CALN1: variants seen among roughly 807,000 people sequenced by gnomAD.
CALN1 encodes calneuron 1.
Under a neutral mutation model 30.6 loss-of-function variants are expected in CALN1, and 17 were observed. The observed-to-expected ratio is 0.56, with a 90% confidence interval of 0.38 to 0.83. The LOEUF is 0.83. Ranked by LOEUF, CALN1 falls within the 40% of genes least tolerant of loss-of-function variation. CALN1 has a pLI of 0.00. For missense variants in CALN1, 291 were observed against 354.9 expected (o/e 0.82, Z 1.45); for synonymous variants, 156 against 131.4 (o/e 1.19, Z -1.28).
intron 2 of CALN1, among the ~76,000 whole-genome samples, chr7:72,366,817 G>A (rs1490011194): frequency 8.2e-6 from 1 of 122,502 alleles, no homozygotes; most frequent in Non-Finnish European, 1.7e-5. Context: ...TCTTTCTCAG[G>A]GATATAACCA....
intron 3 of CALN1, among the ~76,000 whole-genome samples, chr7:72,217,814 T>C (rs1023234317): frequency 2.8e-5 from 4 of 144,522 alleles, no homozygotes; most frequent in African/African-American, 1.0e-4. Flanking sequence ...CCCCCAACTC[T>C]ACAAAAAAAT....
intron 1 of CALN1, among the ~76,000 whole-genome samples, chr7:72,407,089 C>T (rs184831328): frequency 2.6e-5 from 4 of 152,274 alleles, no homozygotes; most frequent in Admixed American, 2.0e-4. Context: ...TCACCTGCAT[C>T]ACTTTTACCA....
At chr7:71,873,080 T>G (rs1792037572) in intron 5 of CALN1, among the ~76,000 whole-genome samples, 1 of 149,394 alleles carries the variant, frequency 6.7e-6, no homozygotes, top group Non-Finnish European at 1.5e-5. Context: ...CTTGGCTCAT[T>G]GCAGCCTTTG....
intron 3 of CALN1, among the ~76,000 whole-genome samples, chr7:72,213,880 G>C (rs1017128060): frequency 6.6e-6 from 1 of 152,160 alleles, no homozygotes; most frequent in African/African-American, 2.4e-5. Context: ...TTGCATTTCA[G>C]GGGCAACCTT....
At chr7:72,411,535 G>C (rs572007432) in intron 1 of CALN1, among the ~76,000 whole-genome samples, 1 of 152,194 alleles carries the variant, frequency 6.6e-6, no homozygotes, top group Non-Finnish European at 1.5e-5. Context: ...TATCAGTTGT[G>C]TCACTGAAAA....
chr7:72,353,806 G>A (rs1425044374), intron 2 of CALN1, among the ~76,000 whole-genome samples: 2 of 152,138 alleles, frequency 1.3e-5, no homozygotes, highest in South Asian at 2.1e-4. Flanking sequence ...AAAAAATAAG[G>A]GTATTTGAAT....
chr7:72,501,924 A>ATATATATATATATATATATAT, the CALN1 span, among the ~76,000 whole-genome samples: 1 of 84,266 alleles, frequency 1.2e-5, no homozygotes, highest in African/African-American at 6.8e-5. Context: ...AAAAAAAAAA[A>ATATATATATATATATATATAT]AAAAATATAT....
chr7:72,320,538 T>G (rs570528612), intron 2 of CALN1, among the ~76,000 whole-genome samples: 1 of 152,130 alleles, frequency 6.6e-6, no homozygotes, highest in African/African-American at 2.4e-5. Context: ...GTTGAGCAAT[T>G]AGAATTACAG....
intron 5 of CALN1, among the ~76,000 whole-genome samples, chr7:72,003,069 T>C (rs1245837356): frequency 2.0e-5 from 3 of 152,188 alleles, no homozygotes; most frequent in African/African-American, 4.8e-5. Context: ...TGTGAAGTAA[T>C]TGATATGTTA....
chr7:72,474,050 A>T, the CALN1 span, among the ~76,000 whole-genome samples: 1 of 152,234 alleles, frequency 6.6e-6, no homozygotes, highest in African/African-American at 2.4e-5. Flanking sequence ...GTTGGATACG[A>T]AACTAGTTAG....
At chr7:71,816,519 G>A (rs930601755) in intron 5 of CALN1, among the ~76,000 whole-genome samples, 1 of 152,186 alleles carries the variant, frequency 6.6e-6, no homozygotes, top group Non-Finnish European at 1.5e-5. Flanking sequence ...CAGAAAATGA[G>A]TAACCATTTC....
At chr7:72,029,912 G>C (rs1015239219) in intron 4 of CALN1, among the ~76,000 whole-genome samples, 2 of 152,200 alleles carry the variant, frequency 1.3e-5, no homozygotes, top group African/African-American at 4.8e-5. Flanking sequence ...CTGATTTATG[G>C]TCAGAAGCAC....
intron 5 of CALN1, among the ~76,000 whole-genome samples, chr7:71,869,213 CTTT>C (rs1263130281): frequency 2.1e-5 from 3 of 144,580 alleles, no homozygotes; most frequent in Admixed American, 1.4e-4. Context: ...GGAAAAAACA[CTTT>C]TTTTTTTTTT....
At chr7:72,293,255 G>A (rs1422882813) in intron 2 of CALN1, among the ~76,000 whole-genome samples, 2 of 152,204 alleles carry the variant, frequency 1.3e-5, no homozygotes, top group East Asian at 1.9e-4. Flanking sequence ...TAGTCTGGAA[G>A]GACGTAGGGA....
intron 5 of CALN1, among the ~76,000 whole-genome samples, chr7:71,813,994 T>C (rs1788116464): frequency 6.8e-6 from 1 of 147,948 alleles, no homozygotes; most frequent in Non-Finnish European, 1.5e-5. Flanking sequence ...ATTAAGAGGA[T>C]AAGCTACACG....
intron 5 of CALN1, among the ~76,000 whole-genome samples, chr7:71,894,981 G>T (rs1432121429): frequency 1.3e-5 from 2 of 152,054 alleles, no homozygotes; most frequent in Non-Finnish European, 2.9e-5. Flanking sequence ...TGGAGACAGG[G>T]TCTTGCTCTG....
chr7:72,442,276 T>C (rs1219131750), intron 1 of CALN1, among the ~76,000 whole-genome samples: 1 of 152,194 alleles, frequency 6.6e-6, no homozygotes, highest in African/African-American at 2.4e-5. Flanking sequence ...GAGGATCATT[T>C]AAAAATGTTT....
At position 71,868,352 on chromosome 7, in the gene CALN1, G is replaced by A. The variant is rs185492213; in HGVS notation, c.502-57860C>T. On this transcript the variant is annotated intron_variant, in intron 5 of 6. Transcript: ENST00000395275. ...TCTCACATGGCAGGAACAGCGAGAG[G>A]GGAGGAAGTGCTACACACTTTTTTT... Among the ~76,000 whole-genome samples the A allele has an allele frequency of 4.6e-3, 700 of 151,660 alleles. 19 individuals carry two copies. The highest frequency in any genetic ancestry group is 0.031 in the Middle Eastern group (9 of 294).
At chr7:72,442,704 A>T (rs967761370) in intron 1 of CALN1, among the ~76,000 whole-genome samples, 3 of 152,126 alleles carry the variant, frequency 2.0e-5, no homozygotes, top group African/African-American at 7.2e-5. Flanking sequence ...GGTTGCACTT[A>T]TTTAGGATTG....
Sources: allele counts gnomAD v4.1 joint callset (sites outside exome capture counted in the v4.1 genomes callset), GRCh38; gene constraint gnomAD v4.1.1; transcripts MANE v1.5; gene names NCBI Gene and HGNC (gene_info 2026-07-23, HGNC 2026-07-21).